Variants in SLMAP observed in about 807,000 individuals in gnomAD.
SLMAP encodes sarcolemmal membrane-associated protein.
Under a neutral mutation model 128.8 loss-of-function variants are expected in SLMAP, and 44 were observed. The observed-to-expected ratio is 0.34, with a 90% CI of 0.27 to 0.44. SLMAP has a LOEUF of 0.44. SLMAP is among the 20% of genes least tolerant of loss of function. The probability of loss-of-function intolerance (pLI) is 1.00; values close to 1 mark genes in which losing one functional copy is unlikely to be tolerated. For missense variants in SLMAP, 787 were observed against 985.3 expected, an observed-to-expected ratio of 0.80 and a Z score of 2.69; for synonymous variants, 327 against 348.8, an observed-to-expected ratio of 0.94 and a Z score of 0.70.
In SLMAP at chr3:57,896,854, A is replaced by AT; in HGVS notation, c.1442-12dup. The AT allele has an allele frequency of 6.3e-7, 1 of 1,584,510 alleles. No homozygotes were observed. Among genetic ancestry groups the AT allele is most frequent in the South Asian group, 1.2e-5 (1 of 84,568 alleles). On this transcript the variant is annotated intron_variant, in intron 16 of 24. Transcript: ENST00000671191. ...GAATACTGTCTGTAATTATATATGT[A>AT]TTTTTTTCCTCTCTGTAGACGCCCA...
intron 2 of SLMAP, among the ~76,000 whole-genome samples, chr3:57,764,508 A>AAAAAG (rs1287502863): frequency 6.6e-6 from 1 of 151,988 alleles, no homozygotes; most frequent in Non-Finnish European, 1.5e-5. Flanking sequence ...TCTCAAAAAA[A>AAAAAG]AAAAGAAAAG....
chr3:57,849,322 C>G (rs1485960082), intron 5 of SLMAP, among the ~76,000 whole-genome samples: 1 of 152,122 alleles, frequency 6.6e-6, no homozygotes, highest in Non-Finnish European at 1.5e-5. Context: ...AGTGTTTAAA[C>G]ACCATTACTT....
At position 57,927,476 on chromosome 3, in the gene SLMAP, T is replaced by G; in HGVS notation, c.*187T>G. 1 of 676,824 alleles carries G rather than the reference T, an allele frequency of 1.5e-6. No individual in the cohort carries two copies. The highest frequency in any genetic ancestry group is 2.5e-6 in the Non-Finnish European group (1 of 403,804). The allele number at this position is 676,824 out of a possible 1,614,324, so 41.9% of individuals were successfully genotyped here. On this transcript the variant is annotated 3_prime_UTR_variant, in exon 25 of 25. Coordinates refer to ENST00000671191, the MANE Select transcript of SLMAP (RefSeq NM_001377540.1). ...GACAAACAGAACCATTTTCTTCCTC[T>G]TTACCTCTTAAAACAGCAGAAGTAC...
chr3:57,821,609 G>A (rs1226787241), intron 2 of SLMAP, among the ~76,000 whole-genome samples: 1 of 152,132 alleles, frequency 6.6e-6, no homozygotes, highest in Non-Finnish European at 1.5e-5. Flanking sequence ...ACTCTAAGAA[G>A]CGACTAAATT....
chr3:57,852,644 C>A (rs2094549025), intron 6 of SLMAP, among the ~76,000 whole-genome samples: 1 of 152,178 alleles, frequency 6.6e-6, no homozygotes, highest in Non-Finnish European at 1.5e-5. Context: ...AATTAAGCTG[C>A]TTATTATTAG....
intron 2 of SLMAP, among the ~76,000 whole-genome samples, chr3:57,804,839 ATCT>A (rs1328870339): frequency 6.6e-6 from 1 of 152,178 alleles, no homozygotes; most frequent in East Asian, 1.9e-4. Flanking sequence ...ACTGTAAATG[ATCT>A]TCTCCTATAG....
At chr3:57,781,729 A>ATTTTTTTTTTTTT (rs748021832) in intron 2 of SLMAP, among the ~76,000 whole-genome samples, 1 of 109,160 alleles carries the variant, frequency 9.2e-6, no homozygotes, top group Non-Finnish European at 1.8e-5. Context: ...ATATTGACTG[A>ATTTTTTTTTTTTT]TTTTTTTTTT....
At chr3:57,757,922 T>A in intron 2 of SLMAP, 73 bp downstream of exon 2, 1 of 1,311,732 alleles carries the variant, frequency 7.6e-7, no homozygotes, top group Non-Finnish European at 1.1e-6. Flanking sequence ...CTGAGAGGAC[T>A]AATGTATGCA....
At chr3:57,852,124 A>T (rs900221627) in intron 6 of SLMAP, among the ~76,000 whole-genome samples, 2 of 150,872 alleles carry the variant, frequency 1.3e-5, no homozygotes, top group African/African-American at 2.4e-5. Context: ...GTTAGCCAGG[A>T]TGGTCTCCAA....
intron 2 of SLMAP, among the ~76,000 whole-genome samples, chr3:57,804,555 G>A (rs112026206): frequency 0.14 from 20,993 of 152,042 alleles, 1,520 homozygotes; most frequent in South Asian, 0.21. Context: ...ACCAGCCTGG[G>A]CAAAATGGTG....
intron 2 of SLMAP, among the ~76,000 whole-genome samples, chr3:57,802,788 G>T (rs1194904103): frequency 6.6e-6 from 1 of 152,066 alleles, no homozygotes; most frequent in Non-Finnish European, 1.5e-5. Flanking sequence ...TCCAGTTTTG[G>T]ATTATTATGA....
chr3:57,802,423 A>G (rs894645347), intron 2 of SLMAP, among the ~76,000 whole-genome samples: 1 of 152,084 alleles, frequency 6.6e-6, no homozygotes, highest in Non-Finnish European at 1.5e-5. Flanking sequence ...GATTACAGGC[A>G]TGTGCCACCA....
intron 13 of SLMAP, among the ~76,000 whole-genome samples, chr3:57,867,288 A>T (rs1354335494): frequency 6.6e-6 from 1 of 152,218 alleles, no homozygotes; most frequent in South Asian, 2.1e-4. Flanking sequence ...TCCTTCAGTT[A>T]AGAGAATCGT....
At chr3:57,897,186 G>A in intron 17 of SLMAP, 1 of 1,046,976 alleles carries the variant, frequency 9.6e-7, no homozygotes. Context: ...ATGCAGCTGT[G>A]TTTTTTGTTT....
At chr3:57,889,813 A>G (rs758557419) in intron 14 of SLMAP, among the ~76,000 whole-genome samples, 2 of 152,218 alleles carry the variant, frequency 1.3e-5, no homozygotes, top group South Asian at 4.1e-4. Flanking sequence ...TAAGGTGAAA[A>G]TAAAAGGCAA....
intron 3 of SLMAP, among the ~76,000 whole-genome samples, chr3:57,835,478 A>T (rs943816800): frequency 2.6e-5 from 4 of 152,180 alleles, no homozygotes; most frequent in Admixed American, 2.6e-4. Context: ...TTCAGAAATA[A>T]AGCTAGAATA....
At chr3:57,839,273 A>G (rs938129083) in intron 3 of SLMAP, among the ~76,000 whole-genome samples, 1 of 151,868 alleles carries the variant, frequency 6.6e-6, no homozygotes, top group African/African-American at 2.4e-5. Context: ...AGCACTTTTT[A>G]TATAATCAAT....
chr3:57,895,222 T>C (rs1338121817), intron 15 of SLMAP, among the ~76,000 whole-genome samples: 2 of 152,182 alleles, frequency 1.3e-5, no homozygotes, highest in Admixed American at 6.5e-5. Flanking sequence ...TAATAAACTA[T>C]TGGGCCTATA....
chr3:57,856,977 ATGT>A (rs2094821466), intron 6 of SLMAP, among the ~76,000 whole-genome samples: 2 of 152,058 alleles, frequency 1.3e-5, no homozygotes, highest in South Asian at 2.1e-4. Context: ...GTTGACTGAA[ATGT>A]TGTTTTGTGG....
Sources: allele counts gnomAD v4.1 joint callset (sites outside exome capture counted in the v4.1 genomes callset), GRCh38; gene constraint gnomAD v4.1.1; transcripts MANE v1.5; gene names NCBI Gene and HGNC (gene_info 2026-07-23, HGNC 2026-07-21).